The following WDPCP variants were observed in gnomAD, a reference collection of about 807,000 sequenced individuals.
WDPCP encodes WD repeat-containing and planar cell polarity effector protein fritz homolog.
A neutral mutation model predicts 93.1 loss-of-function variants in WDPCP; 71 were observed. That is an observed-to-expected ratio of 0.76 (90% CI 0.63 to 0.93). The LOEUF is 0.93. WDPCP is among the 40% of genes least tolerant of loss of function. The probability of loss-of-function intolerance (pLI) is 0.00; values close to 1 mark genes in which losing one functional copy is unlikely to be tolerated. For synonymous variants in WDPCP, 315 were observed against 315.0 expected, an observed-to-expected ratio of 1.00 and a Z score of 0.00; for missense variants, 844 against 887.4, an observed-to-expected ratio of 0.95 and a Z score of 0.62.
intron 2 of WDPCP, among the ~76,000 whole-genome samples, chr2:63,708,672 C>T (rs943714112): frequency 9.9e-5 from 15 of 152,246 alleles, no homozygotes; most frequent in East Asian, 7.8e-4. Flanking sequence ...GAGATGAACC[C>T]GGTACCTCAG....
intron 14 of WDPCP, among the ~76,000 whole-genome samples, chr2:63,248,541 T>C (rs1218729780): frequency 6.6e-6 from 1 of 152,174 alleles, no homozygotes; most frequent in Non-Finnish European, 1.5e-5. Context: ...TCAATGAGCA[T>C]CTTGGATTTG....
chr2:63,160,763 A>G (rs895005318), intron 15 of WDPCP, among the ~76,000 whole-genome samples: 11 of 152,210 alleles, frequency 7.2e-5, no homozygotes, highest in African/African-American at 1.4e-4. Context: ...AATCTAGGCA[A>G]TGTTCATCAG....
chr2:63,281,778 G>A (rs770608266), intron 13 of WDPCP, among the ~76,000 whole-genome samples: 2 of 152,088 alleles, frequency 1.3e-5, no homozygotes, highest in African/African-American at 2.4e-5. Flanking sequence ...AAGCTATGAC[G>A]ACACAATATT....
chr2:63,189,080 C>G (rs1559186726), intron 14 of WDPCP, among the ~76,000 whole-genome samples: 1 of 152,126 alleles, frequency 6.6e-6, no homozygotes, highest in African/African-American at 2.4e-5. Flanking sequence ...TGTGTCTTCG[C>G]GGGAGCCGTT....
intron 2 of WDPCP, among the ~76,000 whole-genome samples, chr2:63,800,334 T>C (rs1435986346): frequency 1.3e-5 from 2 of 152,236 alleles, no homozygotes; most frequent in Non-Finnish European, 2.9e-5. Flanking sequence ...TTCTGGTTCT[T>C]GCACAGTGGA....
intron 3 of WDPCP, among the ~76,000 whole-genome samples, chr2:63,612,178 C>T (rs1709621749): frequency 6.6e-6 from 1 of 152,202 alleles, no homozygotes; most frequent in Non-Finnish European, 1.5e-5. Flanking sequence ...GGAAGTCAGA[C>T]AAGCTTGGAT....
intron 3 of WDPCP, among the ~76,000 whole-genome samples, chr2:63,644,669 A>G (rs1558874146): frequency 6.6e-6 from 1 of 152,126 alleles, no homozygotes; most frequent in African/African-American, 2.4e-5. Context: ...ACTTTTTATT[A>G]TGACTTCAAT....
intron 15 of WDPCP, among the ~76,000 whole-genome samples, chr2:63,158,934 C>G (rs1408472080): frequency 7.8e-6 from 1 of 128,662 alleles, no homozygotes; most frequent in African/African-American, 3.1e-5. Context: ...TTCAGGAGTT[C>G]GAGACCAGCC....
intron 1 of WDPCP, chr2:63,564,768 A>T (rs1391085151): frequency 6.9e-6 from 1 of 144,046 alleles, no homozygotes; most frequent in African/African-American, 2.7e-5. Context: ...ACTAAAGCTT[A>T]AAACTGCACC....
At chr2:63,478,903 C>T (rs1700113886) in intron 6 of WDPCP, among the ~76,000 whole-genome samples, 1 of 151,840 alleles carries the variant, frequency 6.6e-6, no homozygotes, top group South Asian at 2.1e-4. Flanking sequence ...CAACAAAAAG[C>T]CGGTTTCTTT....
chr2:63,833,862 A>C, the WDPCP span, among the ~76,000 whole-genome samples: 10 of 152,352 alleles, frequency 6.6e-5, no homozygotes, highest in East Asian at 1.7e-3. Context: ...TTTACTAAGC[A>C]ATGAACTTAA....
intron 12 of WDPCP, among the ~76,000 whole-genome samples, chr2:63,348,748 T>C (rs1425051011): frequency 2.0e-5 from 3 of 152,052 alleles, no homozygotes; most frequent in African/African-American, 7.2e-5. Context: ...AAACTCCAAA[T>C]TAATGGCAGC....
intron 1 of WDPCP, among the ~76,000 whole-genome samples, chr2:63,817,607 C>G (rs1356395411): frequency 2.0e-5 from 3 of 152,178 alleles, no homozygotes; most frequent in Non-Finnish European, 2.9e-5. Context: ...TACATATTGT[C>G]TATGGCTGCT....
intron 14 of WDPCP, among the ~76,000 whole-genome samples, chr2:63,231,328 A>C (rs2104561804): frequency 6.6e-6 from 1 of 152,312 alleles, no homozygotes; most frequent in African/African-American, 2.4e-5. Context: ...AGTTCTGGCC[A>C]GGGCAATCAG....
At chr2:63,773,505 T>C (rs554765875) in intron 2 of WDPCP, among the ~76,000 whole-genome samples, 128 of 152,176 alleles carry the variant, frequency 8.4e-4, no homozygotes, top group Non-Finnish European at 1.6e-3. Flanking sequence ...TATTTCTTCA[T>C]CTAAGTAGAC....
chr2:63,439,756 C>T lies in WDPCP; in HGVS notation c.499+1G>A. The T allele has an allele frequency of 6.2e-6, 10 of 1,612,350 alleles. No individual in the cohort carries two copies. The highest frequency in any genetic ancestry group is 8.5e-6 in the Non-Finnish European group (10 of 1,178,666). Reference sequence around the variant, plus strand: ...ATTGATTTGCACATGGGGGTAATTACCATCACTGATGGTGTCTGAGATGAG... The same window carrying T: ...ATTGATTTGCACATGGGGGTAATTATCATCACTGATGGTGTCTGAGATGAG... On this transcript the variant is annotated splice_donor_variant, in intron 7 of 17. Transcript: ENST00000272321. LOFTEE classifies it high-confidence loss of function.
intron 9 of WDPCP, among the ~76,000 whole-genome samples, chr2:63,431,838 G>GA (rs1696785399): frequency 6.6e-6 from 1 of 151,556 alleles, no homozygotes; most frequent in East Asian, 1.9e-4. Context: ...AAGCTCTTGA[G>GA]AAAAAAATGA....
At chr2:63,585,207 T>C (rs552988474) in intron 1 of WDPCP, among the ~76,000 whole-genome samples, 25 of 152,316 alleles carry the variant, frequency 1.6e-4, no homozygotes, top group Middle Eastern at 3.4e-3. Flanking sequence ...ATTTTTGCCA[T>C]AACTAAATTT....
At chr2:63,622,021 T>TC (rs1709743760) in intron 3 of WDPCP, among the ~76,000 whole-genome samples, 1 of 140,866 alleles carries the variant, frequency 7.1e-6, no homozygotes, top group Non-Finnish European at 1.5e-5. Context: ...ATGCTATCCC[T>TC]CCCCCCTCCC....
Sources: allele counts gnomAD v4.1 joint callset (sites outside exome capture counted in the v4.1 genomes callset), GRCh38; gene constraint gnomAD v4.1.1; transcripts MANE v1.5; gene names NCBI Gene and HGNC (gene_info 2026-07-23, HGNC 2026-07-21).